SIPA1L2: variants seen among roughly 807,000 people sequenced by gnomAD.
SIPA1L2 encodes the protein signal-induced proliferation-associated 1-like protein 2.
In SIPA1L2, 56 loss-of-function variants were observed where a neutral mutation model predicts 163.9. The ratio of observed to expected loss-of-function variants is 0.34; its 90% confidence interval spans 0.28 to 0.43. SIPA1L2 has a LOEUF of 0.43. Ranked by LOEUF, SIPA1L2 falls within the 20% of genes least tolerant of loss-of-function variation. The probability of loss-of-function intolerance (pLI) is 1.00; values close to 1 mark genes in which losing one functional copy is unlikely to be tolerated. For synonymous variants in SIPA1L2, 877 were observed against 865.7 expected (o/e 1.01, Z -0.23); for missense variants, 1,974 against 2,193.5 (o/e 0.90, Z 2.00).
rs748050926 is a variant in SIPA1L2 at position 232,441,855 on chromosome 1, G to A, written c.3451C>T (p.Leu1151=). ...QVGYDGCQSP[L]LLEHQGSGPL... is the part of the protein sequence containing the mutation. ...CCTGAGCCCTGGTGTTCGAGCAGTAGAGGGGACTGGCACCTGAAAAGAACA... is the reference window on the plus strand; with the variant it reads ...CCTGAGCCCTGGTGTTCGAGCAGTAAAGGGGACTGGCACCTGAAAAGAACA... The change falls in exon 13 of 23, where the codon CTA becomes TTA. Residue 1151 remains leucine (L), a synonymous_variant. Coordinates refer to ENST00000674635, the MANE Select transcript of SIPA1L2 (RefSeq NM_020808.5). The A allele has an allele frequency of 1.9e-6, 3 of 1,612,448 alleles. No individual in the cohort carries two copies. The highest frequency in any genetic ancestry group is 1.3e-5 in the African/African-American group (1 of 75,026).
At chr1:232,441,174 A>G in intron 14 of SIPA1L2, 117 bp downstream of exon 14, 1 of 726,840 alleles carries the variant, frequency 1.4e-6, no homozygotes, top group South Asian at 2.4e-5. Context: ...CTCACCTCTA[A>G]GAGCCCTGTG....
chr1:232,428,352 T>G, intron 17 of SIPA1L2, 59 bp downstream of exon 17: 11 of 334,960 alleles, frequency 3.3e-5, no homozygotes, highest in Non-Finnish European at 4.2e-5. Context: ...TCTTTAGACT[T>G]TTTTTTTTTT....
chr1:232,442,757 A>ATT (rs769136208), intron 12 of SIPA1L2, among the ~76,000 whole-genome samples: 8 of 152,158 alleles, frequency 5.3e-5, no homozygotes, highest in Non-Finnish European at 7.3e-5. Context: ...AAAAAAGAAC[A>ATT]CCAAAAAAGC....
intron 7 of SIPA1L2, among the ~76,000 whole-genome samples, chr1:232,474,362 G>A (rs1664934190): frequency 6.6e-6 from 1 of 152,164 alleles, no homozygotes; most frequent in Non-Finnish European, 1.5e-5. Context: ...CTCTTGTTAT[G>A]ACAAGGAAAG....
chr1:232,418,427 C>A (rs545275600), intron 18 of SIPA1L2, among the ~76,000 whole-genome samples: 1 of 152,340 alleles, frequency 6.6e-6, no homozygotes, highest in South Asian at 2.1e-4. Context: ...AATTCCTAAG[C>A]ACCTCTAAAG....
At chr1:232,615,051 T>C (rs1329124093) in intron 1 of SIPA1L2, among the ~76,000 whole-genome samples, 1 of 152,236 alleles carries the variant, frequency 6.6e-6, no homozygotes, top group Non-Finnish European at 1.5e-5. Flanking sequence ...GTGGATGTTA[T>C]GAGGTGACCC....
chr1:232,588,403 T>C (rs1660783657), intron 1 of SIPA1L2, among the ~76,000 whole-genome samples: 1 of 151,950 alleles, frequency 6.6e-6, no homozygotes, highest in East Asian at 1.9e-4. Flanking sequence ...ACTGTGATCT[T>C]GACAATTTCC....
chr1:232,594,561 C>T (rs1187169779), intron 1 of SIPA1L2, among the ~76,000 whole-genome samples: 1 of 152,132 alleles, frequency 6.6e-6, no homozygotes, highest in Non-Finnish European at 1.5e-5. Context: ...TCCTCACTCT[C>T]CTTCTGGGAA....
At chr1:232,518,338 G>T (rs1336704931) in intron 2 of SIPA1L2, among the ~76,000 whole-genome samples, 2 of 152,052 alleles carry the variant, frequency 1.3e-5, no homozygotes, top group Admixed American at 6.6e-5. Flanking sequence ...TTTAATTTGT[G>T]TGAGGCTAAC....
intron 22 of SIPA1L2, among the ~76,000 whole-genome samples, chr1:232,402,073 C>T (rs1165390720): frequency 6.6e-6 from 1 of 152,208 alleles, no homozygotes; most frequent in Admixed American, 6.5e-5. Context: ...TCATCTCATA[C>T]AGAGTTGGCG....
At chr1:232,550,879 G>A (rs971991279) in intron 2 of SIPA1L2, among the ~76,000 whole-genome samples, 1 of 152,168 alleles carries the variant, frequency 6.6e-6, no homozygotes, top group African/African-American at 2.4e-5. Flanking sequence ...AGAGCAACAT[G>A]GAAGAGGTAT....
chr1:232,601,313 G>C lies in SIPA1L2; in HGVS notation c.-318-27091C>G, dbSNP rs1661584519. 2.0e-5 allele frequency among the ~76,000 whole-genome samples: 3 copies of C among 152,168 alleles called. 1 individual carries two copies. The South Asian group carries it at 6.2e-4, about 32-fold the overall frequency. ...GCTAGTCTCAATCTCCTGGGCCCAA[G>C]CAATCCTCCTACAGAATCAATTTTG... is the stretch of plus-strand genomic sequence containing the variant. On this transcript the variant is annotated intron_variant, in intron 1 of 22. Coordinates refer to ENST00000674635, the MANE Select transcript of SIPA1L2 (RefSeq NM_020808.5).
At chr1:232,464,047 A>T (rs1204493237) in intron 9 of SIPA1L2, among the ~76,000 whole-genome samples, 2 of 150,854 alleles carry the variant, frequency 1.3e-5, no homozygotes, top group East Asian at 1.9e-4. Context: ...TTTTCTAATT[A>T]AAAAAAAAAT....
At chr1:232,513,253 C>T (rs750490089) in intron 3 of SIPA1L2, among the ~76,000 whole-genome samples, 30 of 152,118 alleles carry the variant, frequency 2.0e-4, no homozygotes, top group Non-Finnish European at 2.9e-4. Flanking sequence ...TGAAGATATA[C>T]GTAAAGCAAA....
At chr1:232,597,639 G>A (rs1053767762) in intron 1 of SIPA1L2, among the ~76,000 whole-genome samples, 2 of 142,016 alleles carry the variant, frequency 1.4e-5, no homozygotes, top group Non-Finnish European at 3.0e-5. Context: ...GCAGTGAGCC[G>A]AGTTTGCGCC....
chr1:232,538,669 C>T (rs920601950), intron 2 of SIPA1L2, among the ~76,000 whole-genome samples: 6 of 148,624 alleles, frequency 4.0e-5, no homozygotes, highest in African/African-American at 1.3e-4. Flanking sequence ...GTCCCCCAGG[C>T]TTAGTGTTTT....
intron 2 of SIPA1L2, among the ~76,000 whole-genome samples, chr1:232,516,906 T>C (rs985606222): frequency 7.2e-5 from 11 of 152,214 alleles, no homozygotes; most frequent in African/African-American, 2.4e-4. Context: ...CAATGAGTAA[T>C]ATAGCCTGTC....
Position 232,483,839 on chromosome 1 carries a change from ACT to A in SIPA1L2, c.1932_1933del (p.Arg644SerfsTer7). ...ATATTTACTAAATCCTTTCAGTCGGACTCTCTGGCCCAGAAGATCAAGGAATT... is the reference window on the plus strand; with the variant it reads ...ATATTTACTAAATCCTTTCAGTCGGACTCTGGCCCAGAAGATCAAGGAATT... On this transcript the variant is annotated frameshift_variant, in exon 6 of 23. Transcript: ENST00000674635. LOFTEE classifies it high-confidence loss of function. The A allele has an allele frequency of 6.2e-7, 1 of 1,613,798 alleles. No homozygotes were observed. The highest frequency in any genetic ancestry group is 8.5e-7 in the Non-Finnish European group (1 of 1,179,910).
At chr1:232,615,419 T>C (rs1462261036) in intron 1 of SIPA1L2, among the ~76,000 whole-genome samples, 1 of 152,196 alleles carries the variant, frequency 6.6e-6, no homozygotes, top group African/African-American at 2.4e-5. Flanking sequence ...GCTTCCTTAC[T>C]ATTTGCCCCG....
Sources: gnomAD v4.1 joint callset for allele counts (sites outside exome capture counted in the v4.1 genomes callset) on GRCh38, gnomAD v4.1.1 for gene constraint, MANE v1.5 for transcripts, NCBI Gene and HGNC (gene_info 2026-07-23, HGNC 2026-07-21) for gene names.